FBN2: variants seen among roughly 807,000 people sequenced by gnomAD.
FBN2 encodes fibrillin-2.
A neutral mutation model predicts 355.6 loss-of-function variants in FBN2; 105 were observed. That is an observed-to-expected ratio of 0.30 (90% CI 0.25 to 0.35). The LOEUF (loss-of-function observed/expected upper bound fraction) is 0.35, where lower values mean the gene tolerates loss of function less well. Among genes scored for constraint, FBN2 ranks in the 10% least tolerant of loss-of-function variants. The pLI is 1.00. For missense variants in FBN2, 3,280 were observed against 3,758.7 expected, an observed-to-expected ratio of 0.87 and a Z score of 3.33; for synonymous variants, 1,350 against 1,301.2, an observed-to-expected ratio of 1.04 and a Z score of -0.81.
In FBN2 at chr5:128,324,755, C is replaced by T. The variant is rs1474089525; in HGVS notation, c.4471+3941G>A. On this transcript the variant is annotated intron_variant, in intron 34 of 64. Transcript: ENST00000262464. Reference sequence around the variant, plus strand: ...GCTTCAGCCTCCTGAGTAGCTACGACTACAGGTGCCCGGCATCATGCCCGG... The same window carrying T: ...GCTTCAGCCTCCTGAGTAGCTACGATTACAGGTGCCCGGCATCATGCCCGG... Among the ~76,000 whole-genome samples, 4 of 151,958 alleles carry T rather than the reference C, an allele frequency of 2.6e-5. 1 individual carries two copies. The highest frequency in any genetic ancestry group is 4.4e-5 in the Non-Finnish European group (3 of 68,004).
intron 5 of FBN2, among the ~76,000 whole-genome samples, chr5:128,480,956 T>C (rs1755167452): frequency 6.6e-6 from 1 of 152,200 alleles, no homozygotes; most frequent in African/African-American, 2.4e-5. Flanking sequence ...AAAACTTTCT[T>C]GGATATGAAA....
intron 5 of FBN2, among the ~76,000 whole-genome samples, chr5:128,501,642 T>C (rs1478535768): frequency 2.0e-5 from 3 of 152,094 alleles, no homozygotes; most frequent in African/African-American, 7.2e-5. Context: ...TTAATAAATA[T>C]ATAAGGAAAT....
chr5:128,510,977 C>G (rs1561491717), intron 5 of FBN2, among the ~76,000 whole-genome samples: 1 of 152,040 alleles, frequency 6.6e-6, no homozygotes, highest in African/African-American at 2.4e-5. Context: ...CTTTATACCT[C>G]CATTTTTTTA....
intron 55 of FBN2, among the ~76,000 whole-genome samples, chr5:128,280,852 T>C (rs17676396): frequency 0.23 from 35,534 of 152,078 alleles, 5,046 homozygotes; most frequent in Middle Eastern, 0.43. Flanking sequence ...GCTCTTTTGG[T>C]TGGTGATAAA....
intron 5 of FBN2, among the ~76,000 whole-genome samples, chr5:128,503,759 A>AT (rs1275899895): frequency 6.6e-6 from 1 of 152,108 alleles, no homozygotes; most frequent in Non-Finnish European, 1.5e-5. Flanking sequence ...AGAAAACACC[A>AT]TTTTCTGGGG....
rs891349086 is a variant in FBN2 at position 128,385,012 on chromosome 5, T to A, written c.1604-6122A>T. Among the ~76,000 whole-genome samples the A allele has an allele frequency of 2.6e-5, 4 of 152,098 alleles. 1 individual carries two copies. Among genetic ancestry groups the A allele is most frequent in the African/African-American group, 9.7e-5 (4 of 41,444 alleles). On this transcript the variant is annotated intron_variant, in intron 11 of 64. Transcript: ENST00000262464. ...GGCTATCCCTCAATTGGCTCAGAACTCAGACATGGAGAAAGATATGTTTTA... is the reference window on the plus strand; with the variant it reads ...GGCTATCCCTCAATTGGCTCAGAACACAGACATGGAGAAAGATATGTTTTA...
intron 20 of FBN2, 142 bp downstream of exon 20, chr5:128,357,134 T>C: frequency 9.8e-7 from 1 of 1,017,042 alleles, no homozygotes; most frequent in Non-Finnish European, 1.5e-6. Context: ...ACCTCTATAT[T>C]GATATTGAGT....
chr5:128,291,673 A>G lies in FBN2; in HGVS notation c.6167-19T>C, dbSNP rs749186454. 4.3e-6 allele frequency: 7 copies of G among 1,611,420 alleles called. No individual in the cohort carries two copies. The highest frequency in any genetic ancestry group is 5.9e-6 in the Non-Finnish European group (7 of 1,177,686). ...TTTATATCTGCAGAACAGGGGGAGTATTTATTAGCCATTCAACACTTGAAA... is the reference window on the plus strand; with the variant it reads ...TTTATATCTGCAGAACAGGGGGAGTGTTTATTAGCCATTCAACACTTGAAA... On this transcript the variant is annotated intron_variant, in intron 48 of 64. Transcript: ENST00000262464.
rs1201611947 is a variant in FBN2 at position 128,378,906 on chromosome 5, G to C, written c.1604-16C>G. The C allele has an allele frequency of 5.6e-6, 9 of 1,612,642 alleles. No individual in the cohort carries two copies. In the East Asian group the frequency reaches 2.0e-4, roughly 36 times the overall value. On this transcript the variant is annotated splice_polypyrimidine_tract_variant and intron_variant, in intron 11 of 64. Coordinates refer to ENST00000262464, the MANE Select transcript of FBN2 (RefSeq NM_001999.4). ...TCATCAACATCTGTGAGCAGCAAAAGAAACCATTATAGACTTCACTCCATT... is the reference window on the plus strand; with the variant it reads ...TCATCAACATCTGTGAGCAGCAAAACAAACCATTATAGACTTCACTCCATT...
intron 5 of FBN2, among the ~76,000 whole-genome samples, chr5:128,487,324 C>A (rs963674844): frequency 6.6e-6 from 1 of 152,106 alleles, no homozygotes; most frequent in Non-Finnish European, 1.5e-5. Context: ...CTGAAATTAA[C>A]CTTTGTTTAT....
At chr5:128,276,628 G>C (rs983307808) in intron 58 of FBN2, among the ~76,000 whole-genome samples, 2 of 152,100 alleles carry the variant, frequency 1.3e-5, no homozygotes, top group Non-Finnish European at 2.9e-5. Flanking sequence ...AGGCCCAAGA[G>C]ATGGAGCTCT....
chr5:128,325,365 CTTCT>C (rs1269612360), intron 34 of FBN2, among the ~76,000 whole-genome samples: 52 of 152,180 alleles, frequency 3.4e-4, no homozygotes, highest in Non-Finnish European at 5.6e-4. Context: ...ATGTAATGCC[CTTCT>C]TTGTCTCTTT....
At chr5:128,281,092 T>C (rs1765531885) in intron 55 of FBN2, among the ~76,000 whole-genome samples, 1 of 152,178 alleles carries the variant, frequency 6.6e-6, no homozygotes, top group African/African-American at 2.4e-5. Context: ...TTTGCTTTTA[T>C]TAGTATTTGC....
At chr5:128,261,713 AAC>A in intron 64 of FBN2, 21 bp downstream of exon 64, 1 of 1,613,258 alleles carries the variant, frequency 6.2e-7, no homozygotes, top group Non-Finnish European at 8.5e-7. Context: ...ATTTTGTGGC[AAC>A]ACAGAGTGGG....
intron 48 of FBN2, among the ~76,000 whole-genome samples, chr5:128,294,052 T>C (rs1749421032): frequency 6.6e-6 from 1 of 151,930 alleles, no homozygotes; most frequent in African/African-American, 2.4e-5. Flanking sequence ...GTGTTCTCAT[T>C]GTTCAATTCC....
rs544090338 is a variant in FBN2, at chr5:128,338,139, T to A, written c.3473-17A>T. The A allele has an allele frequency of 6.2e-7, 1 of 1,612,732 alleles. No individual in the cohort carries two copies. The highest frequency in any genetic ancestry group is 1.3e-5 in the African/African-American group (1 of 75,004). The stretch of plus-strand genomic sequence containing the variant: ...CGTCAATGTCTGAAAGGTAAAAACG[T>A]GAGATCCATTAAAGAACTCTGAGGG... On this transcript the variant is annotated splice_polypyrimidine_tract_variant and intron_variant, in intron 26 of 64. Transcript: ENST00000262464.
intron 7 of FBN2, among the ~76,000 whole-genome samples, chr5:128,418,676 GT>G (rs1425055019): frequency 2.0e-5 from 3 of 151,958 alleles, no homozygotes; most frequent in South Asian, 2.1e-4. Flanking sequence ...ATTTTTCAAT[GT>G]TTCTCTTCTT....
intron 34 of FBN2, among the ~76,000 whole-genome samples, chr5:128,327,536 A>G (rs1308853512): frequency 7.1e-6 from 1 of 140,782 alleles, no homozygotes; most frequent in Non-Finnish European, 1.5e-5. Flanking sequence ...AGTTTTTAAT[A>G]TGTTTCATTT....
At chr5:128,446,643 G>A (rs1373269526) in intron 6 of FBN2, 37 bp from the exon 7 acceptor site, 1 of 1,607,542 alleles carries the variant, frequency 6.2e-7, no homozygotes, top group South Asian at 1.1e-5. Flanking sequence ...AGATGACACT[G>A]GTTTTCAGAA....
Sources: gnomAD v4.1 joint callset for allele counts (sites outside exome capture counted in the v4.1 genomes callset) on GRCh38, gnomAD v4.1.1 for gene constraint, MANE v1.5 for transcripts, NCBI Gene and HGNC (gene_info 2026-07-23, HGNC 2026-07-21) for gene names.